PRDM4: variants seen among roughly 807,000 people sequenced by gnomAD.
PRDM4 encodes the protein PR domain zinc finger protein 4.
PRDM4 carries 38 observed loss-of-function variants against 62.3 expected under a neutral mutation model. The observed-to-expected ratio is 0.61, with a 90% CI of 0.47 to 0.80. The LOEUF (loss-of-function observed/expected upper bound fraction) is 0.80. PRDM4 is among the 30% of genes least tolerant of loss of function. PRDM4 has a pLI of 0.00. For missense variants in PRDM4, 858 were observed against 997.1 expected (o/e 0.86, Z 1.88); for synonymous variants, 339 against 348.2 (o/e 0.97, Z 0.30).
At chr12:107,737,312 A>G (rs1054196045) in intron 11 of PRDM4, among the ~76,000 whole-genome samples, 6 of 152,154 alleles carry the variant, frequency 3.9e-5, no homozygotes, top group African/African-American at 1.4e-4. Flanking sequence ...AAATACAAGC[A>G]TCTGAAAATT....
intron 5 of PRDM4, among the ~76,000 whole-genome samples, chr12:107,751,118 A>G (rs1890877179): frequency 6.6e-6 from 1 of 152,198 alleles, no homozygotes; most frequent in Non-Finnish European, 1.5e-5. Flanking sequence ...AATAGCTGGG[A>G]CTACAGGCAC....
Position 107,751,473 on chromosome 12 carries a change from T to C in PRDM4, c.1068A>G (p.Ser356=), listed in dbSNP as rs1211276633. The C allele has an allele frequency of 2.5e-6, 4 of 1,613,884 alleles. No homozygotes were observed. Among genetic ancestry groups the C allele is most frequent in the Non-Finnish European group, 3.4e-6 (4 of 1,179,794 alleles). Residue 356 remains serine (S), a synonymous_variant, in exon 5 of 12, where the codon TCA becomes TCG. Coordinates refer to ENST00000228437, the MANE Select transcript of PRDM4 (RefSeq NM_012406.4). ...TTGAATTGGAGTCTTCCATTTGCAG[T>C]GAAGGTGATACAAAAGAAAGACTGT... is the stretch of plus-strand genomic sequence containing the variant. The part of the protein sequence containing the change: ...SSDSLSFVSP[S]LQMEDSNSNK...
chr12:107,742,217 T>C lies in PRDM4; in HGVS notation c.1609+4A>G, dbSNP rs1307350337. 1 of 1,611,894 alleles carries C rather than the reference T, an allele frequency of 6.2e-7. No individual in the cohort carries two copies. The highest frequency in any genetic ancestry group is 8.5e-7 in the Non-Finnish European group (1 of 1,178,966). ...AGATTCATTATAAACACATATTAAC[T>C]TACCAATCTGTTGAGCATAATCTCG... On this transcript the variant is annotated splice_donor_region_variant and intron_variant, in intron 9 of 11. Transcript: ENST00000228437.
At chr12:107,755,940 G>T (rs942503922) in intron 3 of PRDM4, among the ~76,000 whole-genome samples, 1 of 152,190 alleles carries the variant, frequency 6.6e-6, no homozygotes, top group Non-Finnish European at 1.5e-5. Context: ...CAAAAAATTA[G>T]TTGAGCATGG....
rs915507583 is a variant in PRDM4 at position 107,733,455 on chromosome 12, G to A, written c.*755C>T. 9.9e-5 allele frequency: 15 copies of A among 152,084 alleles called. No individual in the cohort carries two copies. The highest frequency in any genetic ancestry group is 3.4e-4 in the African/African-American group (14 of 41,380). The allele number at this position is 152,084 out of a possible 1,614,324, so 9.4% of individuals were successfully genotyped here. A position where few individuals can be genotyped will look rare whatever the true frequency, so the allele number is the denominator to read the frequency against. The stretch of plus-strand genomic sequence containing the variant: ...TGGCTGGATGTTTACTGGAGACAGG[G>A]AGCCATGTCTAAACCTACAAAGATC... On this transcript the variant is annotated 3_prime_UTR_variant, in exon 12 of 12. Coordinates refer to ENST00000228437, the MANE Select transcript of PRDM4 (RefSeq NM_012406.4).
At chr12:107,757,018 G>A (rs1040323670) in intron 2 of PRDM4, 53 bp from the exon 3 acceptor site, 1 of 1,575,266 alleles carries the variant, frequency 6.3e-7, no homozygotes, top group African/African-American at 1.3e-5. Flanking sequence ...CAATGACTCT[G>A]TATTAAGATA....
rs377166874 is a variant in PRDM4, at chr12:107,751,446, G to C, written c.1095C>G (p.Asn365Lys). 1 of 1,608,912 alleles carries C rather than the reference G, an allele frequency of 6.2e-7. No homozygotes were observed. Among genetic ancestry groups the C allele is most frequent in the Admixed American group, 1.7e-5 (1 of 59,940 alleles). ...TAAACAAGGTTGCCATGTTCTCCTT[G>C]TTTGAATTGGAGTCTTCCATTTGCA... ...PSLQMEDSNS[N>K]KENMATLFTI... Residue 365 changes from asparagine (N) to lysine (K), a missense_variant, in exon 5 of 12, where the codon AAC (asparagine) becomes AAG (lysine). Asn to Lys is a moderately conservative substitution (Grantham distance 94). Around this residue, in one of 3 missense-constraint regions of PRDM4, gnomAD observed 499 missense variants for 546.7 expected, o/e 0.91. Coordinates refer to ENST00000228437, the MANE Select transcript of PRDM4 (RefSeq NM_012406.4).
intron 6 of PRDM4, 37 bp downstream of exon 6, chr12:107,746,238 G>C (rs1486196885): frequency 6.2e-7 from 1 of 1,604,738 alleles, no homozygotes; most frequent in East Asian, 2.2e-5. Flanking sequence ...AAAGGAAGAA[G>C]AGATGTAATA....
intron 1 of PRDM4, 52 bp from the exon 2 acceptor site, chr12:107,760,823 C>T: frequency 3.5e-6 from 1 of 287,724 alleles, no homozygotes. Flanking sequence ...AGGTCGCAGC[C>T]CCCATCCCAG....
rs1448276053 is a variant in PRDM4 at position 107,740,948 on chromosome 12, G to T, written c.1922C>A (p.Thr641Lys). 6.2e-7 allele frequency: 1 copy of T among 1,612,794 alleles called. No homozygotes were observed. Among genetic ancestry groups the T allele is most frequent in the South Asian group, 1.1e-5 (1 of 91,014 alleles). Residue 641 changes from threonine to lysine, a missense_variant and splice_region_variant, in exon 10 of 12, where the codon ACA (threonine) becomes AAA (lysine). Around this residue, in one of 3 missense-constraint regions of PRDM4, gnomAD observed 355 missense variants for 432.6 expected, o/e 0.82. Coordinates refer to ENST00000228437, the MANE Select transcript of PRDM4 (RefSeq NM_012406.4). The part of the protein sequence containing the change: ...SNLRTHLKIH[T>K]GQKNYRCTLC... The stretch of plus-strand genomic sequence containing the variant: ...TCTGATGGGCCAACACAACTTACCT[G>T]TATGTATCTTGAGGTGGGTCCGCAG...
rs1022673884 is a variant in PRDM4 at position 107,751,632 on chromosome 12, G to C, written c.909C>G (p.Leu303=). ...AMSTNSVSVA[L]STSHNLASLE... is the part of the protein sequence containing the mutation. The stretch of plus-strand genomic sequence containing the variant: ...GGGAGGCAAGGTTGTGTGAGGTAGA[G>C]AGTGCCACGCTTACAGAGTTGGTGC... Residue 303 remains leucine (L), a synonymous_variant, in exon 5 of 12, where the codon CTC becomes CTG. Coordinates refer to ENST00000228437, the MANE Select transcript of PRDM4 (RefSeq NM_012406.4). The C allele has an allele frequency of 1.2e-6, 2 of 1,614,068 alleles. No homozygotes were observed. The highest frequency in any genetic ancestry group is 1.7e-6 in the Non-Finnish European group (2 of 1,179,922).
rs1402343466 is a variant in PRDM4, at chr12:107,734,282, A to G, written c.2334T>C (p.Ser778=). The change falls in exon 12 of 12, where the codon TCT becomes TCC. Residue 778 remains serine (S), a synonymous_variant. Transcript: ENST00000228437. ...DDSEEEDLAD[S]VGTEDCRINS... is the part of the protein sequence containing the mutation. ...TAATCCTACAGTCTTCTGTCCCCAC[A>G]GAGTCTGCTAGATCTTCCTCTTCTG... 6.2e-7 allele frequency: 1 copy of G among 1,613,240 alleles called. No individual in the cohort carries two copies. Among genetic ancestry groups the G allele is most frequent in the East Asian group, 2.2e-5 (1 of 44,892 alleles).
At chr12:107,757,044 C>G (rs756778720) in intron 2 of PRDM4, 79 bp from the exon 3 acceptor site, 2 of 1,467,140 alleles carry the variant, frequency 1.4e-6, no homozygotes, top group Non-Finnish European at 1.9e-6. Flanking sequence ...GAAACTGAAA[C>G]AGTGGGGATG....
At chr12:107,755,046 C>A (rs1441630899) in intron 3 of PRDM4, among the ~76,000 whole-genome samples, 1 of 152,134 alleles carries the variant, frequency 6.6e-6, no homozygotes, top group Admixed American at 6.5e-5. Context: ...TAAATACCCA[C>A]CAACTTGGTC....
intron 11 of PRDM4, 68 bp downstream of exon 11, chr12:107,739,315 C>A: frequency 6.5e-7 from 1 of 1,532,730 alleles, no homozygotes; most frequent in South Asian, 1.2e-5. Context: ...CTTCAATCAG[C>A]AGGTGGGCTG....
intron 2 of PRDM4, among the ~76,000 whole-genome samples, 198 bp from the exon 3 acceptor site, chr12:107,757,163 A>T (rs1207811041): frequency 2.0e-5 from 3 of 152,240 alleles, no homozygotes; most frequent in Non-Finnish European, 4.4e-5. Context: ...TTGAGACATT[A>T]AAAACTCAAT....
Position 107,744,536 on chromosome 12 carries a change from G to A in PRDM4, c.1395+7C>T. The A allele has an allele frequency of 1.2e-6, 2 of 1,612,206 alleles. No homozygotes were observed. Among genetic ancestry groups the A allele is most frequent in the Non-Finnish European group, 1.7e-6 (2 of 1,178,590 alleles). On this transcript the variant is annotated splice_region_variant and intron_variant, in intron 7 of 11. Coordinates refer to ENST00000228437, the MANE Select transcript of PRDM4 (RefSeq NM_012406.4). Reference sequence around the variant, plus strand: ...AAAAGCCACAGAAAAGTTTCATCAGGACTGACCTTCCAGATATGGTTAACT... The same window carrying A: ...AAAAGCCACAGAAAAGTTTCATCAGAACTGACCTTCCAGATATGGTTAACT...
Position 107,733,194 on chromosome 12 carries a change from T to C in PRDM4, c.*1016A>G, listed in dbSNP as rs934905027. ...TCCAAAAATCCTTTGGCATCTTCCA[T>C]GCTTCTCTGATGAGGTTCCTCAGCA... On this transcript the variant is annotated 3_prime_UTR_variant, in exon 12 of 12. Coordinates refer to ENST00000228437, the MANE Select transcript of PRDM4 (RefSeq NM_012406.4). 4.6e-5 allele frequency: 7 copies of C among 152,258 alleles called. No homozygotes were observed. The highest frequency in any genetic ancestry group is 1.7e-4 in the African/African-American group (7 of 41,462). 9.4% of individuals were successfully genotyped at this position (152,258 alleles called of 1,614,324 possible).
At chr12:107,755,775 C>G (rs185602279) in intron 3 of PRDM4, among the ~76,000 whole-genome samples, 34 of 152,142 alleles carry the variant, frequency 2.2e-4, no homozygotes, top group Admixed American at 3.3e-4. Flanking sequence ...TGAAGCTAGG[C>G]AGAAAAAAGG....
Sources: gnomAD v4.1 joint callset for allele counts (sites outside exome capture counted in the v4.1 genomes callset) on GRCh38, gnomAD v4.1.1 for gene constraint, gnomAD v4.1.1 regional missense constraint, MANE v1.5 for transcripts, NCBI Gene and HGNC (gene_info 2026-07-23, HGNC 2026-07-21) for gene names.